Variants in NFIB observed in about 807,000 individuals in gnomAD.
The protein encoded by NFIB is nuclear factor 1 B-type.
A neutral mutation model predicts 61.5 loss-of-function variants in NFIB; 11 were observed. That is an observed-to-expected ratio of 0.18 (90% confidence interval 0.11 to 0.30). The LOEUF is 0.30. Ranked by LOEUF, NFIB falls within the 10% of genes least tolerant of loss-of-function variation. The probability of loss-of-function intolerance (pLI) is 1.00; values close to 1 mark genes in which losing one functional copy is unlikely to be tolerated. For missense variants in NFIB, 471 were observed against 608.9 expected, an observed-to-expected ratio of 0.77 and a Z score of 2.38; for synonymous variants, 260 against 216.5, an observed-to-expected ratio of 1.20 and a Z score of -1.76.
intron 4 of NFIB, among the ~76,000 whole-genome samples, chr9:14,151,774 C>T (rs1239002128): frequency 2.0e-5 from 3 of 152,028 alleles, no homozygotes; most frequent in Non-Finnish European, 4.4e-5. Flanking sequence ...CATTTCTTTA[C>T]CTGTCTTAAT....
At chr9:14,212,134 A>C (rs138403961) in intron 2 of NFIB, among the ~76,000 whole-genome samples, 383 of 152,344 alleles carry the variant, frequency 2.5e-3, no homozygotes, top group Non-Finnish European at 4.5e-3. Context: ...AAATTAATAA[A>C]TCCCTGAGAA....
chr9:14,331,524 T>C (rs1025395561), intron 1 of NFIB, among the ~76,000 whole-genome samples: 2 of 152,258 alleles, frequency 1.3e-5, no homozygotes, highest in African/African-American at 4.8e-5. Context: ...CCAGGATTCA[T>C]TCAATACCCT....
At chr9:14,505,496 T>G in the NFIB span, among the ~76,000 whole-genome samples, 9 of 152,262 alleles carry the variant, frequency 5.9e-5, no homozygotes, top group African/African-American at 2.2e-4. Context: ...AACTTGTGCA[T>G]GAATCACTGC....
chr9:14,178,203 T>C (rs191553862), intron 3 of NFIB, among the ~76,000 whole-genome samples: 245 of 152,228 alleles, frequency 1.6e-3, no homozygotes, highest in African/African-American at 5.7e-3. Context: ...TTGTCTATCA[T>C]GCAACACAGG....
At chr9:14,342,897 C>G (rs1244614660) in intron 1 of NFIB, among the ~76,000 whole-genome samples, 3 of 152,180 alleles carry the variant, frequency 2.0e-5, no homozygotes, top group Non-Finnish European at 4.4e-5. Context: ...TCATACTCTT[C>G]TCAGACTAAA....
At chr9:14,458,357 G>C in the NFIB span, among the ~76,000 whole-genome samples, 3 of 152,120 alleles carry the variant, frequency 2.0e-5, no homozygotes, top group South Asian at 2.1e-4. Flanking sequence ...GGTATTGATG[G>C]GATGTATCTC....
intron 7 of NFIB, among the ~76,000 whole-genome samples, chr9:14,122,935 G>A (rs1459979951): frequency 6.6e-6 from 1 of 152,020 alleles, no homozygotes; most frequent in African/African-American, 2.4e-5. Flanking sequence ...TTCCATAAAA[G>A]CCATTCTAGT....
chr9:14,314,018 C>T lies in NFIB; in HGVS notation c.-507G>A, dbSNP rs1190475175. ...AGGGAGAGCGGGGAGAATGTGTCAC[C>T]GCGCTGGGAAAGTTCAAGGTTACAG... On this transcript the variant is annotated 5_prime_UTR_variant, in exon 1 of 11. Coordinates refer to ENST00000380953, the MANE Select transcript of NFIB (RefSeq NM_001190737.2). 2 of 1,067,726 alleles carry T rather than the reference C, an allele frequency of 1.9e-6. No individual in the cohort carries two copies. Among genetic ancestry groups the T allele is most frequent in the Non-Finnish European group, 2.3e-6 (2 of 882,318 alleles). The allele number at this position is 1,067,726 out of a possible 1,614,324, so 66.1% of individuals were successfully genotyped here.
At chr9:14,480,669 G>A in the NFIB span, among the ~76,000 whole-genome samples, 2 of 152,100 alleles carry the variant, frequency 1.3e-5, no homozygotes, top group Admixed American at 6.5e-5. Context: ...CAAGTTCCAC[G>A]CTGGCAAATT....
At chr9:14,170,201 C>T (rs2045412642) in intron 3 of NFIB, among the ~76,000 whole-genome samples, 1 of 152,098 alleles carries the variant, frequency 6.6e-6, no homozygotes, top group African/African-American at 2.4e-5. Flanking sequence ...ATTTGTGATA[C>T]AAAACAATCC....
chr9:14,380,139 T>G (rs1305053997), intron 1 of NFIB, among the ~76,000 whole-genome samples: 1 of 152,210 alleles, frequency 6.6e-6, no homozygotes. Flanking sequence ...ATAAATAGAC[T>G]CACCTCTGCT....
upstream of NFIB, among the ~76,000 whole-genome samples, chr9:14,317,652 A>T (rs961162268): frequency 1.3e-5 from 2 of 152,206 alleles, no homozygotes; most frequent in Non-Finnish European, 2.9e-5. Flanking sequence ...CCTTGCAGCC[A>T]TGTGGAGAAT....
chr9:14,480,019 G>C, the NFIB span, among the ~76,000 whole-genome samples: 1 of 151,130 alleles, frequency 6.6e-6, no homozygotes, highest in Admixed American at 6.7e-5. Flanking sequence ...AAGGGAAAGA[G>C]ACAGAAAGGT....
chr9:14,206,804 C>G (rs1457815512), intron 2 of NFIB, among the ~76,000 whole-genome samples: 1 of 150,454 alleles, frequency 6.6e-6, no homozygotes, highest in Non-Finnish European at 1.5e-5. Flanking sequence ...TATTTTATAT[C>G]CCCAACTAGA....
chr9:14,514,885 T>C, the NFIB span, among the ~76,000 whole-genome samples: 5 of 152,112 alleles, frequency 3.3e-5, no homozygotes, highest in African/African-American at 4.8e-5. Flanking sequence ...TCTTATAAAA[T>C]GACCTCCAGA....
chr9:14,218,853 C>T (rs2051269750), intron 2 of NFIB, among the ~76,000 whole-genome samples: 1 of 152,186 alleles, frequency 6.6e-6, no homozygotes, highest in Non-Finnish European at 1.5e-5. Flanking sequence ...CTCCTTTTAA[C>T]TTCTCCATCA....
At chr9:14,291,714 T>G (rs893178746) in intron 2 of NFIB, among the ~76,000 whole-genome samples, 9 of 151,828 alleles carry the variant, frequency 5.9e-5, no homozygotes, top group Non-Finnish European at 8.8e-5. Flanking sequence ...ATCAAGCTAA[T>G]CGGAAAATTA....
chr9:14,171,122 C>T (rs1217275883), intron 3 of NFIB, among the ~76,000 whole-genome samples: 1 of 152,146 alleles, frequency 6.6e-6, no homozygotes, highest in Admixed American at 6.5e-5. Context: ...CTTTCTCTGA[C>T]CTGTATATTA....
the NFIB span, among the ~76,000 whole-genome samples, chr9:14,443,239 T>C: frequency 6.6e-6 from 1 of 152,184 alleles, no homozygotes; most frequent in East Asian, 1.9e-4. Flanking sequence ...TCCGTTCTCC[T>C]TCTTGGCAGT....
Sources: gnomAD v4.1 joint callset for allele counts (sites outside exome capture counted in the v4.1 genomes callset) on GRCh38, gnomAD v4.1.1 for gene constraint, MANE v1.5 for transcripts, NCBI Gene and HGNC (gene_info 2026-07-23, HGNC 2026-07-21) for gene names.